Variants in ESR2 observed in about 807,000 individuals in gnomAD.
ESR2 encodes estrogen receptor beta.
Under a neutral mutation model 49.6 loss-of-function variants are expected in ESR2, and 36 were observed. The observed-to-expected ratio is 0.73, with a 90% confidence interval of 0.56 to 0.96. The LOEUF (loss-of-function observed/expected upper bound fraction) is 0.96. ESR2 is among the 40% of genes least tolerant of loss of function. The pLI is 0.00. For synonymous variants in ESR2, 320 were observed against 266.1 expected (o/e 1.20, Z -1.97); for missense variants, 714 against 693.0 (o/e 1.03, Z -0.34).
chr14:64,281,111 G>C (rs1483795846), intron 2 of ESR2, among the ~76,000 whole-genome samples: 1 of 152,138 alleles, frequency 6.6e-6, no homozygotes. Context: ...AAGAGAAAGG[G>C]AGAGAGAAAA....
intron 6 of ESR2, among the ~76,000 whole-genome samples, chr14:64,255,837 A>T (rs1290790324): frequency 6.6e-6 from 1 of 152,206 alleles, no homozygotes; most frequent in Non-Finnish European, 1.5e-5. Context: ...ATGGTTTACC[A>T]CCTGGGCTTG....
At chr14:64,268,735 C>A in intron 4 of ESR2, 60 bp downstream of exon 4, 1 of 963,058 alleles carries the variant, frequency 1.0e-6, no homozygotes, top group Admixed American at 2.0e-5. Flanking sequence ...TCCCCAGTTC[C>A]TCAGAGGACA....
At chr14:64,338,096 G>T (rs1420386880) in exon 1 of ESR2, 1 of 154,884 alleles carries the variant, frequency 6.5e-6, no homozygotes, top group Non-Finnish European at 1.5e-5. Context: ...GTCCCCTCTC[G>T]ACAGTTAACT....
intron 2 of ESR2, among the ~76,000 whole-genome samples, chr14:64,282,252 C>T (rs746724634): frequency 3.3e-5 from 5 of 151,996 alleles, no homozygotes; most frequent in East Asian, 1.9e-4. Context: ...GACTAAGGCA[C>T]GAGAATTGCT....
At chr14:64,260,811 T>C (rs768230018) in intron 4 of ESR2, 63 bp from the exon 5 acceptor site, 225 of 1,390,020 alleles carry the variant, frequency 1.6e-4, no homozygotes, top group Non-Finnish European at 2.0e-4. Flanking sequence ...CAAAAGCAGC[T>C]TGACTTTTAT....
intron 1 of ESR2, among the ~76,000 whole-genome samples, chr14:64,315,934 T>A (rs758992175): frequency 6.6e-6 from 1 of 151,948 alleles, no homozygotes; most frequent in Non-Finnish European, 1.5e-5. Flanking sequence ...ATTACAGGCA[T>A]GTGCCACCAC....
At chr14:64,312,287 A>AG (rs2077195942) in intron 1 of ESR2, among the ~76,000 whole-genome samples, 1 of 152,232 alleles carries the variant, frequency 6.6e-6, no homozygotes, top group Non-Finnish European at 1.5e-5. Flanking sequence ...GCATGAAATT[A>AG]GGAAAAAGAA....
chr14:64,328,229 T>A lies in ESR2; in HGVS notation c.-91+9669A>T, dbSNP rs559969218. On this transcript the variant is annotated intron_variant, in intron 1 of 8. Coordinates refer to the ESR2 transcript ENST00000358599. The stretch of plus-strand genomic sequence containing the variant: ...ACAACGAGACTTCGTCTCAAAAAAA[T>A]AAATAAATAATGAAACCCATCTCTA... Among the ~76,000 whole-genome samples the A allele has an allele frequency of 4.1e-4, 60 of 148,086 alleles. 1 individual carries two copies. Among genetic ancestry groups the A allele is most frequent in the African/African-American group, 1.4e-3 (54 of 39,986 alleles).
intron 2 of ESR2, among the ~76,000 whole-genome samples, chr14:64,282,096 C>T (rs937164177): frequency 5.9e-5 from 9 of 152,210 alleles, no homozygotes; most frequent in African/African-American, 2.2e-4. Context: ...GTAATCCCAG[C>T]ACTTTGGGAG....
chr14:64,316,274 C>T (rs996510800), intron 1 of ESR2, among the ~76,000 whole-genome samples: 56 of 151,248 alleles, frequency 3.7e-4, no homozygotes, highest in Admixed American at 3.2e-3. Context: ...AGCCTCCCAA[C>T]GTGCTGGGAT....
chr14:64,303,206 G>T (rs1038655487), intron 1 of ESR2, among the ~76,000 whole-genome samples: 1 of 152,168 alleles, frequency 6.6e-6, no homozygotes, highest in East Asian at 1.9e-4. Flanking sequence ...ATTTCTCCTC[G>T]CCAGAAGGGA....
intron 4 of ESR2, among the ~76,000 whole-genome samples, chr14:64,263,600 AGACC>A (rs979039311): frequency 6.6e-6 from 1 of 152,032 alleles, no homozygotes; most frequent in African/African-American, 2.4e-5. Flanking sequence ...CAGTGAACCG[AGACC>A]GTGCCATGCA....
chr14:64,249,677 T>C lies in ESR2; in HGVS notation c.1094A>G (p.Asp365Gly). 6.2e-7 allele frequency: 1 copy of C among 1,609,722 alleles called. No individual in the cohort carries two copies. Among genetic ancestry groups the C allele is most frequent in the Non-Finnish European group, 8.5e-7 (1 of 1,177,748 alleles). The part of the protein sequence containing the change: ...IFAPDLVLDR[D>G]EGKCVEGILE... Reference sequence around the variant, plus strand: ...AATTCCTTCTACGCATTTCCCCTCATCCCTACAAAAGTTCGTTTGGAAATT... The same window carrying C: ...AATTCCTTCTACGCATTTCCCCTCACCCCTACAAAAGTTCGTTTGGAAATT... The change falls in exon 7 of 9, where the codon GAT becomes GGT. Residue 365 changes from aspartate (D) to glycine (G), a missense_variant and splice_region_variant. Transcript: ENST00000341099.
At position 64,260,502 on chromosome 14, in the gene ESR2, T is replaced by A. The variant is rs1261326804; in HGVS notation, c.899A>T (p.Lys300Met). The A allele has an allele frequency of 3.3e-6, 5 of 1,536,880 alleles. No individual in the cohort carries two copies. The highest frequency in any genetic ancestry group is 1.8e-4 in the Middle Eastern group (1 of 5,704). ...GTGTACCAACTCCTTGTCGGCCAACTTGGTCAGGGACATCATCATGGAGGC... is the reference window on the plus strand; with the variant it reads ...GTGTACCAACTCCTTGTCGGCCAACATGGTCAGGGACATCATCATGGAGGC... Reference protein sequence around the residue: ...TEASMMMSLTKLADKELVHMI... With the variant: ...TEASMMMSLTMLADKELVHMI... The change falls in exon 5 of 9, where the codon AAG (lysine) becomes ATG (methionine). Residue 300 changes from lysine to methionine, a missense_variant. Transcript: ENST00000341099.
chr14:64,308,827 G>C (rs2077146111), intron 1 of ESR2, among the ~76,000 whole-genome samples: 1 of 151,968 alleles, frequency 6.6e-6, no homozygotes, highest in Non-Finnish European at 1.5e-5. Flanking sequence ...ACCCAGGCTG[G>C]AGTGCAGTGG....
At chr14:64,291,915 A>T (rs1293145887) in intron 1 of ESR2, among the ~76,000 whole-genome samples, 1 of 152,156 alleles carries the variant, frequency 6.6e-6, no homozygotes, top group Non-Finnish European at 1.5e-5. Flanking sequence ...TTAATAAAGA[A>T]GTTTTAAAAT....
intron 7 of ESR2, among the ~76,000 whole-genome samples, chr14:64,245,509 C>CAA (rs56160081): frequency 3.2e-4 from 21 of 65,454 alleles, no homozygotes; most frequent in African/African-American, 3.8e-4. Context: ...AAGACTCTGT[C>CAA]AAAAAAAAAA....
intron 2 of ESR2, among the ~76,000 whole-genome samples, chr14:64,281,431 C>A (rs2076664946): frequency 6.6e-6 from 1 of 151,762 alleles, no homozygotes; most frequent in African/African-American, 2.4e-5. Context: ...AATATGTCTT[C>A]CTTTAAAGGA....
chr14:64,270,357 G>T (rs1414531910), intron 3 of ESR2, among the ~76,000 whole-genome samples: 1 of 152,144 alleles, frequency 6.6e-6, no homozygotes. Flanking sequence ...GAGGGAAGTA[G>T]GTGTGGCAGG....
Sources: allele counts gnomAD v4.1 joint callset (sites outside exome capture counted in the v4.1 genomes callset), GRCh38; gene constraint gnomAD v4.1.1; transcripts MANE v1.5; gene names NCBI Gene and HGNC (gene_info 2026-07-23, HGNC 2026-07-21).